The following CNBD1 variants were observed in gnomAD, a reference collection of about 807,000 sequenced individuals.
The protein encoded by CNBD1 is cyclic nucleotide-binding domain-containing protein 1.
CNBD1 carries 71 observed loss-of-function variants against 54.4 expected under a neutral mutation model. The observed-to-expected ratio is 1.30, with a 90% CI of 1.08 to 1.59. The LOEUF is 1.59. CNBD1 is among the 40% of genes most tolerant of loss of function. The pLI is 0.00. For synonymous variants in CNBD1, 182 were observed against 170.7 expected, an observed-to-expected ratio of 1.07 and a Z score of -0.51; for missense variants, 659 against 518.0, an observed-to-expected ratio of 1.27 and a Z score of -2.64.
At chr8:87,247,034 G>A (rs1278530405) in intron 6 of CNBD1, among the ~76,000 whole-genome samples, 1 of 152,050 alleles carries the variant, frequency 6.6e-6, no homozygotes, top group South Asian at 2.1e-4. Flanking sequence ...TTTGGTTACT[G>A]TCACTACAGA....
intron 6 of CNBD1, among the ~76,000 whole-genome samples, chr8:87,262,482 T>C (rs1427437718): frequency 6.6e-6 from 1 of 152,160 alleles, no homozygotes; most frequent in African/African-American, 2.4e-5. Flanking sequence ...GAAGATCACC[T>C]TCACCAATGT....
intron 3 of CNBD1, among the ~76,000 whole-genome samples, chr8:86,932,842 T>A (rs77455512): frequency 6.6e-6 from 1 of 152,132 alleles, no homozygotes; most frequent in Non-Finnish European, 1.5e-5. Context: ...GTTTTTTTTT[T>A]CTTCCCCGCC....
At chr8:86,895,787 T>G (rs558668874) in intron 2 of CNBD1, among the ~76,000 whole-genome samples, 11 of 152,156 alleles carry the variant, frequency 7.2e-5, no homozygotes, top group Non-Finnish European at 1.5e-4. Flanking sequence ...TTAAAATTGG[T>G]TTCTTTGTTT....
intron 2 of CNBD1, among the ~76,000 whole-genome samples, chr8:87,391,290 C>A (rs528796317): frequency 6.6e-6 from 1 of 151,906 alleles, no homozygotes; most frequent in Non-Finnish European, 1.5e-5. Flanking sequence ...GCAGATACCT[C>A]AAATTGATGC....
intron 4 of CNBD1, among the ~76,000 whole-genome samples, chr8:87,060,201 A>T (rs1049886994): frequency 2.0e-5 from 3 of 152,196 alleles, no homozygotes; most frequent in African/African-American, 4.8e-5. Context: ...AGCCTTGTGA[A>T]ACCATGAGCA....
intron 8 of CNBD1, among the ~76,000 whole-genome samples, chr8:87,309,716 T>A (rs184925385): frequency 6.6e-6 from 1 of 152,252 alleles, no homozygotes; most frequent in East Asian, 1.9e-4. Flanking sequence ...TGTCTATATA[T>A]AATCAATCAT....
chr8:87,012,325 G>T (rs936731375), intron 4 of CNBD1, among the ~76,000 whole-genome samples: 1 of 152,068 alleles, frequency 6.6e-6, no homozygotes, highest in Non-Finnish European at 1.5e-5. Context: ...TGCCTAAGAG[G>T]TCTAGGGAGT....
At chr8:87,242,361 A>G in intron 6 of CNBD1, among the ~76,000 whole-genome samples, 1 of 152,302 alleles carries the variant, frequency 6.6e-6, no homozygotes, top group East Asian at 1.9e-4. Context: ...TGAAACATTT[A>G]CAATCTATTA....
rs556191554 is a variant in CNBD1, at chr8:86,956,057, G to A, written c.431+16303G>A. On this transcript the variant is annotated intron_variant, in intron 4 of 10. Transcript: ENST00000518476. ...TTCAGCTTTCTACATATGGCTAGCCGGTTTTCCCAGCACCATTTATTAAAT... is the reference window on the plus strand; with the variant it reads ...TTCAGCTTTCTACATATGGCTAGCCAGTTTTCCCAGCACCATTTATTAAAT... 1.9e-3 allele frequency among the ~76,000 whole-genome samples: 283 copies of A among 151,970 alleles called. 4 individuals are homozygous for A. In the East Asian group the frequency reaches 0.028, roughly 15 times the overall value.
At chr8:87,378,669 A>C (rs1238076789) in intron 10 of CNBD1, among the ~76,000 whole-genome samples, 1 of 150,268 alleles carries the variant, frequency 6.7e-6, no homozygotes, top group Admixed American at 6.6e-5. Context: ...ACTTTAAAGT[A>C]GTTTTTTCCA....
intron 3 of CNBD1, among the ~76,000 whole-genome samples, chr8:86,936,359 A>T (rs1459462804): frequency 6.6e-6 from 1 of 152,194 alleles, no homozygotes; most frequent in Non-Finnish European, 1.5e-5. Context: ...AAATATTATC[A>T]CACATACAAG....
intron 2 of CNBD1, among the ~76,000 whole-genome samples, chr8:86,897,973 C>A (rs1322467793): frequency 6.6e-6 from 1 of 151,994 alleles, no homozygotes; most frequent in Non-Finnish European, 1.5e-5. Context: ...TAGTGTTCAT[C>A]ATTAGGGGAA....
chr8:86,900,006 T>C (rs1252906838), intron 2 of CNBD1, among the ~76,000 whole-genome samples: 1 of 152,074 alleles, frequency 6.6e-6, no homozygotes, highest in Non-Finnish European at 1.5e-5. Context: ...ATCCACTCAC[T>C]TTCCCCCCTC....
In CNBD1 at chr8:87,137,611, A is replaced by G. The variant is rs145207122; in HGVS notation, c.432-68382A>G. 1.7e-3 allele frequency among the ~76,000 whole-genome samples: 264 copies of G among 152,326 alleles called. 8 individuals carry two copies. The East Asian group carries it at 0.047, about 27-fold the overall frequency. On this transcript the variant is annotated intron_variant, in intron 4 of 10. Coordinates refer to ENST00000518476, the MANE Select transcript of CNBD1 (RefSeq NM_173538.3). ...AGCACCTGGCCAAAACCAAGGAGTC[A>G]GGGAAGATTTCCTGAAAGACGTGCC...
chr8:87,272,750 C>G (rs1563532939), intron 6 of CNBD1, among the ~76,000 whole-genome samples: 1 of 151,870 alleles, frequency 6.6e-6, no homozygotes, highest in Non-Finnish European at 1.5e-5. Context: ...ATGTGGTGAG[C>G]AGTTGTGTAT....
intron 4 of CNBD1, among the ~76,000 whole-genome samples, chr8:87,084,782 T>A (rs568584671): frequency 6.6e-6 from 1 of 152,192 alleles, no homozygotes; most frequent in South Asian, 2.1e-4. Context: ...GTTCAAGGGA[T>A]TCTCCTGCCT....
intron 4 of CNBD1, among the ~76,000 whole-genome samples, chr8:87,006,234 G>A (rs571440787): frequency 3.9e-5 from 6 of 152,106 alleles, no homozygotes; most frequent in South Asian, 4.2e-4. Context: ...CTCTCCTAAG[G>A]TCTCTCTCTT....
At chr8:86,874,984 A>ATT (rs1299515553) in intron 1 of CNBD1, among the ~76,000 whole-genome samples, 174 of 78,356 alleles carry the variant, frequency 2.2e-3, no homozygotes, top group African/African-American at 7.6e-3. Context: ...TTGTAAATCA[A>ATT]TTTATATATA....
chr8:87,269,415 G>T (rs1414277775), intron 6 of CNBD1, among the ~76,000 whole-genome samples: 1 of 151,970 alleles, frequency 6.6e-6, no homozygotes, highest in East Asian at 1.9e-4. Context: ...CTATTTTTTG[G>T]TTCCATATGA....
Sources: gnomAD v4.1 joint callset for allele counts (sites outside exome capture counted in the v4.1 genomes callset) on GRCh38, gnomAD v4.1.1 for gene constraint, MANE v1.5 for transcripts, NCBI Gene and HGNC (gene_info 2026-07-23, HGNC 2026-07-21) for gene names.